ITGA4: variants seen among roughly 807,000 people sequenced by gnomAD.
ITGA4 encodes integrin subunit alpha 4.
A neutral mutation model predicts 133.6 loss-of-function variants in ITGA4; 63 were observed. That is an observed-to-expected ratio of 0.47 (90% CI 0.38 to 0.58). The LOEUF (loss-of-function observed/expected upper bound fraction) is 0.58, where lower values mean the gene tolerates loss of function less well. ITGA4 is among the 20% of genes least tolerant of loss of function. The pLI is 0.00. For synonymous variants in ITGA4, 483 were observed against 438.0 expected, an observed-to-expected ratio of 1.10 and a Z score of -1.28; for missense variants, 1,076 against 1,252.7, an observed-to-expected ratio of 0.86 and a Z score of 2.13.
chr2:181,486,744 T>C (rs917107393), intron 10 of ITGA4, among the ~76,000 whole-genome samples: 2 of 152,118 alleles, frequency 1.3e-5, no homozygotes, highest in Non-Finnish European at 2.9e-5. Flanking sequence ...CTGTTAAAAC[T>C]GTGCATAAAA....
At chr2:181,490,013 C>T (rs941958343) in intron 10 of ITGA4, among the ~76,000 whole-genome samples, 1 of 151,982 alleles carries the variant, frequency 6.6e-6, no homozygotes, top group Non-Finnish European at 1.5e-5. Flanking sequence ...GTGAGAGGGT[C>T]GTGATTGATT....
rs1686141783 is a variant in ITGA4 at position 181,495,614 on chromosome 2, T to A, written c.1386-169T>A. Among the ~76,000 whole-genome samples, 1 of 152,190 alleles carries A rather than the reference T, an allele frequency of 6.6e-6. No homozygotes were observed. Among genetic ancestry groups the A allele is most frequent in the African/African-American group, 2.4e-5 (1 of 41,456 alleles). On this transcript the variant is annotated intron_variant, in intron 13 of 27. Coordinates refer to ENST00000397033, the MANE Select transcript of ITGA4 (RefSeq NM_000885.6). This position sits in a 1 kb window ranked among gnomAD's most constrained non-coding sequence, Gnocchi z 4.3. ...CATCAAAGTCAATATTTTTAGACAT[T>A]TAAATAAAAAGTTATTTTGCCCTGT...
At chr2:181,476,513 A>G (rs927258839) in intron 4 of ITGA4, among the ~76,000 whole-genome samples, 1 of 152,212 alleles carries the variant, frequency 6.6e-6, no homozygotes. Context: ...TTTTCATAGA[A>G]GTTTACTTAT....
At position 181,527,311 on chromosome 2, in the gene ITGA4, C is replaced by T. The variant is rs55705823; in HGVS notation, c.2354C>T (p.Thr785Ile). 1.2e-3 allele frequency: 1,983 copies of T among 1,609,924 alleles called. 3 individuals are homozygous for T. Among genetic ancestry groups the T allele is most frequent in the Non-Finnish European group, 1.6e-3 (1,833 of 1,176,452 alleles). ...GTTTTTACCAGGTTTGTAAACCCAACTTCATTTGTGTATGGATCAAATGAT... is the reference window on the plus strand; with the variant it reads ...GTTTTTACCAGGTTTGTAAACCCAATTTCATTTGTGTATGGATCAAATGAT... ...KLTVHGFVNP[T>I]SFVYGSNDEN... Residue 785 changes from threonine (T) to isoleucine (I), a missense_variant, in exon 22 of 28, where the codon ACT becomes ATT. This residue lies in a region of ITGA4 where 365 missense variants were observed against 421.4 expected (regional missense o/e 0.87). Transcript: ENST00000397033.
Position 181,516,494 on chromosome 2 carries a change from G to C in ITGA4, c.1922+4719G>C, listed in dbSNP as rs1686610523. 6.6e-6 allele frequency among the ~76,000 whole-genome samples: 1 copy of C among 151,950 alleles called. No homozygotes were observed. The highest frequency in any genetic ancestry group is 6.6e-5 in the Admixed American group (1 of 15,212). Reference sequence around the variant, plus strand: ...CATCAAGCTTCCAAGCAAGAGAAAAGGGAAAAGAGCAAAAGTGCTTGGTCA... The same window carrying C: ...CATCAAGCTTCCAAGCAAGAGAAAACGGAAAAGAGCAAAAGTGCTTGGTCA... On this transcript the variant is annotated intron_variant, in intron 17 of 27. Transcript: ENST00000397033. The surrounding 1 kb of genome is among the most constrained non-coding windows in gnomAD (Gnocchi z 4.0).
intron 16 of ITGA4, 125 bp from the exon 17 acceptor site, chr2:181,511,570 TAAAG>T (rs1686506029): frequency 5.3e-6 from 3 of 563,242 alleles, no homozygotes; most frequent in Admixed American, 6.4e-5. Context: ...AGAGATAAAA[TAAAG>T]AGTTGTCAAT....
At chr2:181,490,224 C>CTT (rs916234514) in intron 10 of ITGA4, among the ~76,000 whole-genome samples, 8 of 152,080 alleles carry the variant, frequency 5.3e-5, no homozygotes, top group African/African-American at 1.7e-4. Flanking sequence ...TCATTTCTGC[C>CTT]TTTTAGTTTT....
intron 18 of ITGA4, among the ~76,000 whole-genome samples, chr2:181,522,777 A>C (rs1686746854): frequency 6.6e-6 from 1 of 152,176 alleles, no homozygotes; most frequent in Non-Finnish European, 1.5e-5. Context: ...TCCAGGGACC[A>C]CACCTTCATA....
intron 17 of ITGA4, among the ~76,000 whole-genome samples, chr2:181,520,647 G>A (rs1384214721): frequency 6.6e-6 from 1 of 152,110 alleles, no homozygotes; most frequent in African/African-American, 2.4e-5. Flanking sequence ...AACCATAGTA[G>A]TAGAGAAAGA....
rs1384871793 is a variant in ITGA4, at chr2:181,491,011, C to G, written c.1154-2314C>G. 2.0e-5 allele frequency among the ~76,000 whole-genome samples: 3 copies of G among 152,134 alleles called. No individual in the cohort carries two copies. In the East Asian group the frequency reaches 5.8e-4, roughly 29 times the overall value. The stretch of plus-strand genomic sequence containing the variant: ...TTATTGTATATATTTCAAAACATAT[C>G]TTTCTCATTTGAATAATGATAGCTA... On this transcript the variant is annotated intron_variant, in intron 10 of 27. Coordinates refer to ENST00000397033, the MANE Select transcript of ITGA4 (RefSeq NM_000885.6).
chr2:181,519,872 C>T (rs1417689851), intron 17 of ITGA4, among the ~76,000 whole-genome samples: 1 of 152,090 alleles, frequency 6.6e-6, no homozygotes, highest in Non-Finnish European at 1.5e-5. Context: ...AATAACTTAT[C>T]CAATAATTTC....
rs1237208245 is a variant in ITGA4 at position 181,523,131 on chromosome 2, A to G, written c.2074-306A>G. ...AGTCCAGAATTTTTTTTTTGTGGAGAATCTGTTTGAATACTAGAGTACACA... is the reference window on the plus strand; with the variant it reads ...AGTCCAGAATTTTTTTTTTGTGGAGGATCTGTTTGAATACTAGAGTACACA... On this transcript the variant is annotated intron_variant, in intron 18 of 27. Coordinates refer to ENST00000397033, the MANE Select transcript of ITGA4 (RefSeq NM_000885.6). This position sits in a 1 kb window ranked among gnomAD's most constrained non-coding sequence, Gnocchi z 4.2. Among the ~76,000 whole-genome samples, 1 of 151,874 alleles carries G rather than the reference A, an allele frequency of 6.6e-6. No individual in the cohort carries two copies. Among genetic ancestry groups the G allele is most frequent in the Non-Finnish European group, 1.5e-5 (1 of 67,916 alleles).
Position 181,457,484 on chromosome 2 carries a change from C to A in ITGA4, c.-171C>A. 1.6e-6 allele frequency: 1 copy of A among 623,964 alleles called. No individual in the cohort carries two copies. The highest frequency in any genetic ancestry group is 2.7e-6 in the Non-Finnish European group (1 of 375,264). The allele number at this position is 623,964 out of a possible 1,614,324, so 38.7% of individuals were successfully genotyped here. A position where few individuals can be genotyped will look rare whatever the true frequency, so the allele number is the denominator to read the frequency against. On this transcript the variant is annotated 5_prime_UTR_variant, in exon 1 of 28. Coordinates refer to ENST00000397033, the MANE Select transcript of ITGA4 (RefSeq NM_000885.6). ...CCCAGGCCGGCCCGAACGCTCCGCC[C>A]GCGGTGGGCCGACTTCCCCTCCTCT...
At chr2:181,492,042 G>A (rs183578166) in intron 10 of ITGA4, among the ~76,000 whole-genome samples, 1 of 152,282 alleles carries the variant, frequency 6.6e-6, no homozygotes, top group East Asian at 1.9e-4. Context: ...CATATGCTGT[G>A]TTATTAGTCT....
rs1687339491 is a variant in ITGA4, at chr2:181,538,787, T to C, written c.*3260T>C. 6.6e-6 allele frequency among the ~76,000 whole-genome samples: 1 copy of C among 152,164 alleles called. No homozygotes were observed. Among genetic ancestry groups the C allele is most frequent in the Non-Finnish European group, 1.5e-5 (1 of 68,024 alleles). Reference sequence around the variant, plus strand: ...CTAAAAGATTTAAGATCTTGATCCATTTTTAAAAATCCAAAATGGAAGTTG... The same window carrying C: ...CTAAAAGATTTAAGATCTTGATCCACTTTTAAAAATCCAAAATGGAAGTTG... On this transcript the variant is annotated 3_prime_UTR_variant, in exon 28 of 28. Transcript: ENST00000397033.
chr2:181,473,301 T>A (rs1685599014), intron 2 of ITGA4, among the ~76,000 whole-genome samples: 1 of 152,200 alleles, frequency 6.6e-6, no homozygotes, highest in Non-Finnish European at 1.5e-5. Flanking sequence ...CAAACCCTAT[T>A]ACGAACTGCA....
At chr2:181,511,486 T>C (rs1165913720) in intron 16 of ITGA4, among the ~76,000 whole-genome samples, 1 of 152,056 alleles carries the variant, frequency 6.6e-6, no homozygotes, top group Non-Finnish European at 1.5e-5. Context: ...TTTACCTATT[T>C]AGAACTTAGC....
Position 181,537,123 on chromosome 2 carries a change from T to A in ITGA4, c.*1596T>A, listed in dbSNP as rs201830699. 8.8e-6 allele frequency: 4 copies of A among 453,114 alleles called. No homozygotes were observed. The highest frequency in any genetic ancestry group is 6.2e-5 in the South Asian group (4 of 64,324). 28.1% of individuals were successfully genotyped at this position (453,114 alleles called of 1,614,324 possible). On this transcript the variant is annotated 3_prime_UTR_variant, in exon 28 of 28. Transcript: ENST00000397033. ...TAAACTTTATGACATTTATGTATTT[T>A]TAAAAAACTTTGTATCGTTATAAAA...
Position 181,516,011 on chromosome 2 carries a change from C to CTTCA in ITGA4, c.1922+4238_1922+4239insCATT, listed in dbSNP as rs56280652. ...AGTGCTTATCCACTCTCTCTCATCT[C>CTTCA]TTAAGTTGAGGCTTCCTCCTGTATG... On this transcript the variant is annotated intron_variant, in intron 17 of 27. Transcript: ENST00000397033. This position sits in a 1 kb window ranked among gnomAD's most constrained non-coding sequence, Gnocchi z 4.0. Among the ~76,000 whole-genome samples the CTTCA allele has an allele frequency of 0.98, 148,725 of 152,106 alleles. 72,815 individuals are homozygous for CTTCA. The highest frequency in any genetic ancestry group is 1 in the Middle Eastern group (294 of 294).
Sources: gnomAD v4.1 joint callset for allele counts (sites outside exome capture counted in the v4.1 genomes callset) on GRCh38, gnomAD v4.1.1 for gene constraint, gnomAD v4.1.1 regional missense constraint, Gnocchi (gnomAD v3.1) non-coding constraint, MANE v1.5 for transcripts, NCBI Gene and HGNC (gene_info 2026-07-23, HGNC 2026-07-21) for gene names.